FSTL5: variants seen among roughly 807,000 people sequenced by gnomAD.
FSTL5 encodes the protein follistatin-related protein 5.
In FSTL5, 62 loss-of-function variants were observed where a neutral mutation model predicts 89.1. The observed-to-expected ratio is 0.70, with a 90% CI of 0.57 to 0.86. FSTL5 has a LOEUF of 0.86. Among genes scored for constraint, FSTL5 ranks in the 40% least tolerant of loss-of-function variants. The probability of loss-of-function intolerance (pLI) is 0.00; values close to 1 mark genes in which losing one functional copy is unlikely to be tolerated. For synonymous variants in FSTL5, 383 were observed against 346.2 expected (o/e 1.11, Z -1.18); for missense variants, 1,057 against 1,001.6 (o/e 1.06, Z -0.75).
rs78332664 is a variant in FSTL5 at position 161,428,821 on chromosome 4, G to A, written c.1841+26183C>T. The stretch of plus-strand genomic sequence containing the variant: ...CCCAGCTGTGGTGCCTACAGGGAGA[G>A]ACTACTTATGCTTGAGAAAAGGAGA... On this transcript the variant is annotated intron_variant, in intron 15 of 15. Coordinates refer to ENST00000306100, the MANE Select transcript of FSTL5 (RefSeq NM_020116.5). 6.7e-3 allele frequency among the ~76,000 whole-genome samples: 1,017 copies of A among 152,208 alleles called. 12 individuals are homozygous for A. The highest frequency in any genetic ancestry group is 0.024 in the African/African-American group (987 of 41,544).
chr4:162,053,862 C>T (rs369801563), intron 2 of FSTL5, among the ~76,000 whole-genome samples: 32 of 151,558 alleles, frequency 2.1e-4, no homozygotes, highest in Admixed American at 8.5e-4. Context: ...GATGTACCCA[C>T]GATAATTCAA....
chr4:161,583,786 C>G (rs1200803033), intron 8 of FSTL5, among the ~76,000 whole-genome samples: 1 of 152,128 alleles, frequency 6.6e-6, no homozygotes, highest in African/African-American at 2.4e-5. Context: ...AAATTGCCAG[C>G]TGCTTTGAGA....
At chr4:161,854,660 G>T (rs574098905) in intron 4 of FSTL5, among the ~76,000 whole-genome samples, 1 of 151,998 alleles carries the variant, frequency 6.6e-6, no homozygotes, top group South Asian at 2.1e-4. Context: ...AATAAGTTAG[G>T]TTAAACTACT....
chr4:161,751,998 T>C (rs1740408747), intron 6 of FSTL5, among the ~76,000 whole-genome samples: 1 of 152,184 alleles, frequency 6.6e-6, no homozygotes, highest in Non-Finnish European at 1.5e-5. Context: ...AGCTTAGAAT[T>C]ATCAATGCCT....
At chr4:161,779,793 A>ATG (rs1560840917) in intron 4 of FSTL5, among the ~76,000 whole-genome samples, 1,773 of 51,420 alleles carry the variant, frequency 0.034, 109 homozygotes, top group South Asian at 0.059. Flanking sequence ...ATATATATAT[A>ATG]TATATATATA....
At chr4:161,631,690 T>G (rs1393778124) in intron 7 of FSTL5, among the ~76,000 whole-genome samples, 1 of 152,204 alleles carries the variant, frequency 6.6e-6, no homozygotes, top group Non-Finnish European at 1.5e-5. Context: ...TTAGATTTAT[T>G]TAGTTATATG....
At chr4:161,706,197 T>C (rs1738574350) in intron 6 of FSTL5, among the ~76,000 whole-genome samples, 1 of 151,090 alleles carries the variant, frequency 6.6e-6, no homozygotes, top group South Asian at 2.1e-4. Flanking sequence ...ATCTATCAAA[T>C]CATTTGGCAA....
intron 4 of FSTL5, among the ~76,000 whole-genome samples, chr4:161,786,918 C>T (rs1560845919): frequency 6.6e-6 from 1 of 152,030 alleles, no homozygotes; most frequent in East Asian, 1.9e-4. Flanking sequence ...GCATATTTGA[C>T]TTTTTTTATT....
At chr4:161,555,388 C>T (rs1364615199) in intron 8 of FSTL5, among the ~76,000 whole-genome samples, 1 of 151,270 alleles carries the variant, frequency 6.6e-6, no homozygotes, top group South Asian at 2.1e-4. Flanking sequence ...CACAAGATGT[C>T]GTTTCTCTAA....
chr4:162,021,027 TAA>T (rs1254269200), intron 3 of FSTL5, among the ~76,000 whole-genome samples: 25 of 152,128 alleles, frequency 1.6e-4, no homozygotes, highest in Non-Finnish European at 2.9e-5. Flanking sequence ...AGAAAAAGTT[TAA>T]GTCTGTCTCC....
At chr4:161,574,704 A>T (rs1733150020) in intron 8 of FSTL5, among the ~76,000 whole-genome samples, 1 of 152,034 alleles carries the variant, frequency 6.6e-6, no homozygotes, top group African/African-American at 2.4e-5. Context: ...ATCCTTTTTT[A>T]CAGCTGCATA....
At chr4:162,159,717 T>C (rs555114181) in intron 1 of FSTL5, among the ~76,000 whole-genome samples, 2 of 152,192 alleles carry the variant, frequency 1.3e-5, no homozygotes, top group South Asian at 4.1e-4. Context: ...TTTACTTTTA[T>C]AGATTGTAAT....
chr4:161,510,897 C>T (rs1348101668), intron 10 of FSTL5, among the ~76,000 whole-genome samples: 4 of 151,848 alleles, frequency 2.6e-5, no homozygotes, highest in African/African-American at 9.7e-5. Context: ...AATCCAAGAT[C>T]TTGAACAACA....
chr4:161,859,577 A>G (rs181633863), intron 4 of FSTL5, among the ~76,000 whole-genome samples: 1 of 152,338 alleles, frequency 6.6e-6, no homozygotes, highest in East Asian at 1.9e-4. Flanking sequence ...TACTTGCTCA[A>G]TTTCCAAAAT....
At chr4:161,943,778 A>C (rs1734661356) in intron 3 of FSTL5, among the ~76,000 whole-genome samples, 1 of 151,638 alleles carries the variant, frequency 6.6e-6, no homozygotes, top group Non-Finnish European at 1.5e-5. Context: ...CATGGTCTCG[A>C]TCTCCTGACC....
At chr4:161,821,126 C>G (rs1020352789) in intron 4 of FSTL5, among the ~76,000 whole-genome samples, 4 of 152,086 alleles carry the variant, frequency 2.6e-5, no homozygotes, top group African/African-American at 9.7e-5. Flanking sequence ...CAGCCTTGAA[C>G]TCCTTAGCTC....
At chr4:162,006,364 T>C (rs1182866740) in intron 3 of FSTL5, among the ~76,000 whole-genome samples, 3 of 151,980 alleles carry the variant, frequency 2.0e-5, no homozygotes, top group Non-Finnish European at 4.4e-5. Context: ...CTTTTAAAAA[T>C]AACCACCTTC....
chr4:161,570,341 G>T (rs1732962742), intron 8 of FSTL5, among the ~76,000 whole-genome samples: 1 of 152,114 alleles, frequency 6.6e-6, no homozygotes, highest in Admixed American at 6.5e-5. Flanking sequence ...AGAATCTTCT[G>T]GGCAGGGGAA....
chr4:162,021,341 T>C (rs1329531923), intron 3 of FSTL5, among the ~76,000 whole-genome samples: 1 of 152,134 alleles, frequency 6.6e-6, no homozygotes, highest in Non-Finnish European at 1.5e-5. Context: ...ATTAGTTACA[T>C]TTAGCTTCAA....
Sources: allele counts gnomAD v4.1 joint callset (sites outside exome capture counted in the v4.1 genomes callset), GRCh38; gene constraint gnomAD v4.1.1; transcripts MANE v1.5; gene names NCBI Gene and HGNC (gene_info 2026-07-23, HGNC 2026-07-21).